The following KCNIP1 variants were observed in gnomAD, a reference collection of about 807,000 sequenced individuals.
The protein encoded by KCNIP1 is A-type potassium channel modulatory protein KCNIP1.
KCNIP1 carries 18 observed loss-of-function variants against 33.0 expected under a neutral mutation model. The observed-to-expected ratio is 0.55, with a 90% CI of 0.38 to 0.81. KCNIP1 has a LOEUF of 0.81. KCNIP1 is among the 30% of genes least tolerant of loss of function. The pLI is 0.00. For missense variants in KCNIP1, 238 were observed against 271.6 expected (o/e 0.88, Z 0.87); for synonymous variants, 93 against 98.3 (o/e 0.95, Z 0.32).
intron 1 of KCNIP1, among the ~76,000 whole-genome samples, chr5:170,529,353 C>T (rs1362654056): frequency 6.6e-6 from 1 of 152,186 alleles, no homozygotes; most frequent in Non-Finnish European, 1.5e-5. Context: ...CCAGGGCTGG[C>T]TCCCATTGGC....
At chr5:170,668,973 A>G (rs903330759) in intron 1 of KCNIP1, among the ~76,000 whole-genome samples, 2 of 152,092 alleles carry the variant, frequency 1.3e-5, no homozygotes, top group African/African-American at 2.4e-5. Flanking sequence ...CTTCTTGGGG[A>G]ACCCTTCCTG....
At chr5:170,695,527 G>T (rs563631124) in intron 1 of KCNIP1, among the ~76,000 whole-genome samples, 4 of 152,162 alleles carry the variant, frequency 2.6e-5, no homozygotes, top group Admixed American at 2.6e-4. Flanking sequence ...ATATTCATCC[G>T]TGCTGTTGGA....
At chr5:170,663,170 A>AT (rs1030936188) in intron 1 of KCNIP1, among the ~76,000 whole-genome samples, 11 of 152,242 alleles carry the variant, frequency 7.2e-5, no homozygotes, top group Admixed American at 5.9e-4. Flanking sequence ...TGTCAGCTCC[A>AT]TTTTGCAGAC....
intron 1 of KCNIP1, among the ~76,000 whole-genome samples, chr5:170,381,156 T>C (rs1764223220): frequency 6.6e-6 from 1 of 152,174 alleles, no homozygotes; most frequent in African/African-American, 2.4e-5. Context: ...TCTTTTATGC[T>C]GGGCCTGTTT....
intron 1 of KCNIP1, among the ~76,000 whole-genome samples, chr5:170,587,436 A>AAAAAAAAAAAAAAAAAAAAAAAAAAAAAC (rs1758042174): frequency 1.3e-5 from 2 of 151,644 alleles, no homozygotes; most frequent in Non-Finnish European, 2.9e-5. Context: ...AAAAAAAAAA[A>AAAAAAAAAAAAAAAAAAAAAAAAAAAAAC]AAAAAAAAAA....
intron 1 of KCNIP1, among the ~76,000 whole-genome samples, chr5:170,379,401 G>C (rs1051172387): frequency 2.6e-5 from 4 of 152,196 alleles, no homozygotes; most frequent in Non-Finnish European, 5.9e-5. Context: ...GGCCAAGTGG[G>C]CTGTGTATTT....
At chr5:170,362,865 G>A (rs939350159) in intron 1 of KCNIP1, among the ~76,000 whole-genome samples, 2 of 152,144 alleles carry the variant, frequency 1.3e-5, no homozygotes, top group African/African-American at 2.4e-5. Context: ...CTTACTGCTC[G>A]GTGTCTGCAA....
At chr5:170,593,024 G>C (rs561169681) in intron 1 of KCNIP1, among the ~76,000 whole-genome samples, 1 of 152,256 alleles carries the variant, frequency 6.6e-6, no homozygotes, top group Non-Finnish European at 1.5e-5. Flanking sequence ...TATATGTGTA[G>C]ATTATTTCCA....
chr5:170,633,010 A>G (rs1760119347), intron 1 of KCNIP1, among the ~76,000 whole-genome samples: 1 of 152,166 alleles, frequency 6.6e-6, no homozygotes, highest in Non-Finnish European at 1.5e-5. Context: ...CCGAGGAATA[A>G]TTGTGAATTC....
At chr5:170,733,006 T>C in intron 6 of KCNIP1, 102 bp downstream of exon 6, 1 of 673,840 alleles carries the variant, frequency 1.5e-6, no homozygotes, top group East Asian at 2.5e-5. Flanking sequence ...GTACTAAGCA[T>C]GGTTGGTAAC....
At chr5:170,594,434 T>C (rs1456460405) in intron 1 of KCNIP1, among the ~76,000 whole-genome samples, 1 of 152,166 alleles carries the variant, frequency 6.6e-6, no homozygotes, top group African/African-American at 2.4e-5. Context: ...CAGCACTTCA[T>C]AGTATGAAAG....
At chr5:170,562,162 G>C (rs923394100) in intron 1 of KCNIP1, among the ~76,000 whole-genome samples, 3 of 152,218 alleles carry the variant, frequency 2.0e-5, no homozygotes, top group Admixed American at 2.0e-4. Flanking sequence ...GCCCACCCTG[G>C]ATGACAAGAA....
At chr5:170,664,242 T>G (rs552254858) in intron 1 of KCNIP1, among the ~76,000 whole-genome samples, 1 of 152,278 alleles carries the variant, frequency 6.6e-6, no homozygotes, top group Admixed American at 6.5e-5. Context: ...CAGCTCGGTT[T>G]CTCTTCTTTT....
At chr5:170,722,021 C>A (rs1027697388) in intron 4 of KCNIP1, 118 bp downstream of exon 4, 1 of 1,179,004 alleles carries the variant, frequency 8.5e-7, no homozygotes. Flanking sequence ...AGACCAAAGA[C>A]ATGTTTATCC....
At chr5:170,727,892 A>T (rs1399041564) in intron 5 of KCNIP1, among the ~76,000 whole-genome samples, 1 of 152,182 alleles carries the variant, frequency 6.6e-6, no homozygotes, top group Non-Finnish European at 1.5e-5. Context: ...CCTGAGCCAT[A>T]ATCACTGCAC....
intron 1 of KCNIP1, among the ~76,000 whole-genome samples, chr5:170,638,143 GAGA>G (rs1292450766): frequency 6.6e-6 from 1 of 152,186 alleles, no homozygotes; most frequent in Non-Finnish European, 1.5e-5. Flanking sequence ...CTGCATTTCA[GAGA>G]AGGACAACCC....
At chr5:170,606,651 C>T (rs1758931156) in intron 1 of KCNIP1, among the ~76,000 whole-genome samples, 3 of 152,104 alleles carry the variant, frequency 2.0e-5, no homozygotes, top group South Asian at 4.2e-4. Flanking sequence ...AGGGGCAGGC[C>T]GTGAGACCTG....
In KCNIP1 at chr5:170,704,810, C is replaced by T. The variant is rs190739146; in HGVS notation, c.62-13948C>T. Among the ~76,000 whole-genome samples the T allele has an allele frequency of 2.2e-3, 341 of 152,306 alleles. 2 individuals are homozygous for T. Among genetic ancestry groups the T allele is most frequent in the Non-Finnish European group, 3.6e-3 (248 of 68,028 alleles). ...AGATTTAAGCAGGATAGAGCCCCCT[C>T]CCCCACCATCAAGGCTGTTTCCTTG... On this transcript the variant is annotated intron_variant, in intron 1 of 7. Transcript: ENST00000328939.
At chr5:170,387,096 T>C (rs1000880052) in intron 1 of KCNIP1, among the ~76,000 whole-genome samples, 29 of 152,162 alleles carry the variant, frequency 1.9e-4, no homozygotes, top group African/African-American at 6.8e-4. Context: ...TTATTTGCTG[T>C]TGTTTTTATT....
Sources: allele counts gnomAD v4.1 joint callset (sites outside exome capture counted in the v4.1 genomes callset), GRCh38; gene constraint gnomAD v4.1.1; transcripts MANE v1.5; gene names NCBI Gene and HGNC (gene_info 2026-07-23, HGNC 2026-07-21).